The following LDLRAD4 variants were observed in gnomAD, a reference collection of about 807,000 sequenced individuals.
The protein encoded by LDLRAD4 is low-density lipoprotein receptor class A domain-containing protein 4.
LDLRAD4 carries 5 observed loss-of-function variants against 17.0 expected under a neutral mutation model. The ratio of observed to expected loss-of-function variants is 0.29; its 90% CI spans 0.15 to 0.62. The LOEUF (loss-of-function observed/expected upper bound fraction) is 0.62. Ranked by LOEUF, LDLRAD4 falls within the 20% of genes least tolerant of loss-of-function variation. The pLI is 0.84. For missense variants in LDLRAD4, 340 were observed against 424.7 expected, an observed-to-expected ratio of 0.80 and a Z score of 1.75; for synonymous variants, 168 against 171.8, an observed-to-expected ratio of 0.98 and a Z score of 0.17.
At chr18:13,624,316 T>TG (rs2040924244) in intron 4 of LDLRAD4, among the ~76,000 whole-genome samples, 1 of 152,240 alleles carries the variant, frequency 6.6e-6, no homozygotes, top group African/African-American at 2.4e-5. Flanking sequence ...AGTACGAGTT[T>TG]GGGGTCTGGT....
intron 1 of LDLRAD4, among the ~76,000 whole-genome samples, chr18:13,226,710 G>GAATGA (rs2041823234): frequency 7.2e-6 from 1 of 139,486 alleles, no homozygotes; most frequent in African/African-American, 2.6e-5. Flanking sequence ...TTTAAAATTT[G>GAATGA]AATAAAATAA....
At chr18:13,618,233 T>C (rs1423317304) in intron 3 of LDLRAD4, among the ~76,000 whole-genome samples, 1 of 152,058 alleles carries the variant, frequency 6.6e-6, no homozygotes, top group African/African-American at 2.4e-5. Flanking sequence ...TTCCAATAAC[T>C]GAAAAAAGGA....
chr18:13,517,895 C>T (rs1025422466), intron 3 of LDLRAD4, among the ~76,000 whole-genome samples: 43 of 152,146 alleles, frequency 2.8e-4, no homozygotes, highest in East Asian at 1.9e-4. Context: ...CCCGCCACCA[C>T]GCCTGGCTAA....
intron 3 of LDLRAD4, among the ~76,000 whole-genome samples, chr18:13,584,785 T>G (rs926987821): frequency 6.6e-6 from 1 of 152,212 alleles, no homozygotes; most frequent in Non-Finnish European, 1.5e-5. Context: ...CCTGATACAC[T>G]GTAGAACCAG....
At chr18:13,625,922 C>T (rs1466717035) in intron 4 of LDLRAD4, among the ~76,000 whole-genome samples, 1 of 150,902 alleles carries the variant, frequency 6.6e-6, no homozygotes, top group East Asian at 1.9e-4. Flanking sequence ...TCCCATGTCC[C>T]TTGGCCTGGG....
At chr18:13,382,891 T>G (rs2085489847) in intron 1 of LDLRAD4, among the ~76,000 whole-genome samples, 1 of 152,264 alleles carries the variant, frequency 6.6e-6, no homozygotes, top group Non-Finnish European at 1.5e-5. Context: ...TGGGCGCAGT[T>G]CTTGCGCCTC....
intron 3 of LDLRAD4, chr18:13,615,536 T>C (rs1290151629): frequency 6.6e-6 from 1 of 152,246 alleles, no homozygotes; most frequent in Non-Finnish European, 1.5e-5. Context: ...CAGCTCCTCA[T>C]TGAACCAGGG....
At position 13,640,224 on chromosome 18, in the gene LDLRAD4, C is replaced by T. The variant is rs187560381; in HGVS notation, c.337-3135C>T. 5.6e-3 allele frequency among the ~76,000 whole-genome samples: 785 copies of T among 139,894 alleles called. 7 individuals carry two copies. The highest frequency in any genetic ancestry group is 0.026 in the South Asian group (111 of 4,320). 91.8% of individuals were successfully genotyped at this position (139,894 alleles called of 152,430 possible). On this transcript the variant is annotated intron_variant, in intron 4 of 5. Transcript: ENST00000359446. ...GGGAGAATGGCGTGAACCCGGGAGGCGGAGCTTGCAGTGAGCCGAGATCCC... is the reference window on the plus strand; with the variant it reads ...GGGAGAATGGCGTGAACCCGGGAGGTGGAGCTTGCAGTGAGCCGAGATCCC...
chr18:13,253,297 G>C lies in LDLRAD4; in HGVS notation c.-466-24808G>C, dbSNP rs114412970. Reference sequence around the variant, plus strand: ...GCCCGGAGCCTTGCTGTGATCGGCTGTGGTGGGGAAGCTGGGCGCCACTGC... The same window carrying C: ...GCCCGGAGCCTTGCTGTGATCGGCTCTGGTGGGGAAGCTGGGCGCCACTGC... On this transcript the variant is annotated intron_variant, in intron 1 of 5. Coordinates refer to the LDLRAD4 transcript ENST00000399848. Among the ~76,000 whole-genome samples, 1,187 of 152,326 alleles carry C rather than the reference G, an allele frequency of 7.8e-3. 14 individuals carry two copies. Among genetic ancestry groups the C allele is most frequent in the African/African-American group, 0.027 (1,118 of 41,552 alleles).
chr18:13,253,494 C>T (rs977259160), intron 1 of LDLRAD4, among the ~76,000 whole-genome samples: 2 of 152,132 alleles, frequency 1.3e-5, no homozygotes, highest in African/African-American at 4.8e-5. Flanking sequence ...GTTAGGATGG[C>T]CAAGAGCTCT....
intron 3 of LDLRAD4, among the ~76,000 whole-genome samples, chr18:13,606,375 G>A (rs1203930948): frequency 1.3e-5 from 2 of 152,150 alleles, no homozygotes; most frequent in Non-Finnish European, 2.9e-5. Context: ...TGCTAATTCA[G>A]GGAGTCTTTT....
chr18:13,642,921 ATTTTTTGTT>A (rs1387881847), intron 4 of LDLRAD4, among the ~76,000 whole-genome samples: 1,494 of 126,516 alleles, frequency 0.012, 25 homozygotes, highest in African/African-American at 0.046. Flanking sequence ...TTGTTTATCT[ATTTTTTGTT>A]TTTTTTTTTT....
chr18:13,288,238 G>A (rs534733201), intron 1 of LDLRAD4, among the ~76,000 whole-genome samples: 1 of 152,294 alleles, frequency 6.6e-6, no homozygotes, highest in Admixed American at 6.5e-5. Flanking sequence ...ATAGGCAAAT[G>A]TCCCAACCTC....
intron 1 of LDLRAD4, among the ~76,000 whole-genome samples, chr18:13,248,817 T>C (rs1369139201): frequency 1.3e-5 from 2 of 152,188 alleles, no homozygotes; most frequent in Non-Finnish European, 2.9e-5. Context: ...CTGTTACTTA[T>C]AATCATCATA....
intron 3 of LDLRAD4, among the ~76,000 whole-genome samples, chr18:13,582,570 G>A (rs1283082274): frequency 1.3e-5 from 2 of 152,208 alleles, no homozygotes; most frequent in Admixed American, 6.5e-5. Context: ...CAACACATGG[G>A]CATCAATACC....
In LDLRAD4 at chr18:13,424,093, C is replaced by T. The variant is rs541198279; in HGVS notation, c.41-14151C>T. On this transcript the variant is annotated intron_variant, in intron 2 of 5. Coordinates refer to ENST00000359446, the Ensembl canonical transcript of LDLRAD4. ...GAGGTTGCAATGAGCCAAGATTGCA[C>T]CATTGCACTCCAGCCTGGGCGACGA... Among the ~76,000 whole-genome samples the T allele has an allele frequency of 3.3e-5, 5 of 151,150 alleles. No individual in the cohort carries two copies. The South Asian group carries it at 1.1e-3, about 32-fold the overall frequency.
At chr18:13,370,859 C>T (rs1279997768) in intron 1 of LDLRAD4, among the ~76,000 whole-genome samples, 1 of 151,698 alleles carries the variant, frequency 6.6e-6, no homozygotes, top group Non-Finnish European at 1.5e-5. Context: ...TACAGGCGCG[C>T]ACCACCACAC....
At chr18:13,294,113 G>A (rs959040286) in intron 1 of LDLRAD4, among the ~76,000 whole-genome samples, 1 of 152,224 alleles carries the variant, frequency 6.6e-6, no homozygotes, top group African/African-American at 2.4e-5. Context: ...TGAGCAGTAG[G>A]ATATAAATAA....
chr18:13,365,859 C>T (rs1243788777), intron 1 of LDLRAD4, among the ~76,000 whole-genome samples: 5 of 151,514 alleles, frequency 3.3e-5, no homozygotes, highest in African/African-American at 1.2e-4. Flanking sequence ...CTGCAACCTC[C>T]GCCTCCCAGG....
Sources: allele counts gnomAD v4.1 joint callset (sites outside exome capture counted in the v4.1 genomes callset), GRCh38; gene constraint gnomAD v4.1.1; transcripts MANE v1.5; gene names NCBI Gene and HGNC (gene_info 2026-07-23, HGNC 2026-07-21).